Variants in ST6GAL1 observed in about 807,000 individuals in gnomAD.
The protein encoded by ST6GAL1 is ST6 beta-galactoside alpha-2,6-sialyltransferase 1, also known as beta-galactoside alpha-2,6-sialyltransferase 1.
Under a neutral mutation model 38.0 loss-of-function variants are expected in ST6GAL1, and 20 were observed. That is an observed-to-expected ratio of 0.53 (90% confidence interval 0.37 to 0.77). The LOEUF is 0.77. Ranked by LOEUF, ST6GAL1 falls within the 30% of genes least tolerant of loss-of-function variation. The pLI is 0.00. For missense variants in ST6GAL1, 432 were observed against 496.4 expected (o/e 0.87, Z 1.23); for synonymous variants, 196 against 188.2 (o/e 1.04, Z -0.34).
intron 2 of ST6GAL1, among the ~76,000 whole-genome samples, chr3:186,976,259 C>T (rs1715518163): frequency 6.6e-6 from 1 of 152,172 alleles, no homozygotes; most frequent in Admixed American, 6.5e-5. Context: ...TTCACCTCCC[C>T]CAACCTTCCC....
chr3:186,946,457 C>A (rs560175683), intron 1 of ST6GAL1, among the ~76,000 whole-genome samples: 14 of 152,248 alleles, frequency 9.2e-5, no homozygotes, highest in Admixed American at 7.2e-4. Context: ...TCACTGCTCA[C>A]TGTAGACTCG....
intron 2 of ST6GAL1, among the ~76,000 whole-genome samples, chr3:187,018,798 C>T (rs1262607677): frequency 6.6e-6 from 1 of 152,194 alleles, no homozygotes; most frequent in East Asian, 1.9e-4. Context: ...ATCACAGGGG[C>T]ATGCTAAGCA....
At position 187,020,996 on chromosome 3, in the gene ST6GAL1, G is replaced by A. The variant is rs562879472; in HGVS notation, c.-182-17746G>A. 4.0e-5 allele frequency among the ~76,000 whole-genome samples: 6 copies of A among 150,452 alleles called. No individual in the cohort carries two copies. The South Asian group carries it at 8.4e-4, about 21-fold the overall frequency. ...TTGTTTTTTTTTGAGATGGAGTCTC[G>A]CTCTGTCACCCAGGCTGGAGTGCAA... On this transcript the variant is annotated intron_variant, in intron 2 of 7. Transcript: ENST00000169298.
chr3:187,043,476 A>G (rs1718198658), intron 4 of ST6GAL1, among the ~76,000 whole-genome samples, 166 bp downstream of exon 4: 1 of 152,144 alleles, frequency 6.6e-6, no homozygotes. Flanking sequence ...AGTTGAACAG[A>G]TGGCGCTCTA....
intron 1 of ST6GAL1, among the ~76,000 whole-genome samples, chr3:186,957,364 G>T (rs932383698): frequency 2.0e-5 from 3 of 152,112 alleles, no homozygotes; most frequent in Non-Finnish European, 4.4e-5. Flanking sequence ...GATCACTTGA[G>T]CCAAGGAGGT....
chr3:187,062,103 T>A (rs1300462616), intron 5 of ST6GAL1, among the ~76,000 whole-genome samples: 1 of 152,180 alleles, frequency 6.6e-6, no homozygotes, highest in Non-Finnish European at 1.5e-5. Context: ...AAATGGTTAG[T>A]AAGCACATGA....
intron 1 of ST6GAL1, among the ~76,000 whole-genome samples, chr3:186,959,252 C>T (rs975401463): frequency 1.3e-5 from 2 of 152,194 alleles, no homozygotes; most frequent in African/African-American, 4.8e-5. Context: ...GTGTGCAACT[C>T]ATACTTAGTT....
intron 5 of ST6GAL1, among the ~76,000 whole-genome samples, chr3:187,056,693 C>T (rs1317842903): frequency 6.6e-6 from 1 of 152,182 alleles, no homozygotes; most frequent in Non-Finnish European, 1.5e-5. Flanking sequence ...ATGGGCTTCC[C>T]TTTGTGGGTA....
At chr3:186,985,428 T>C (rs980048580) in intron 2 of ST6GAL1, among the ~76,000 whole-genome samples, 14 of 151,800 alleles carry the variant, frequency 9.2e-5, no homozygotes, top group African/African-American at 3.4e-4. Flanking sequence ...ATACATTTTT[T>C]TTTAAAGTGA....
chr3:187,024,414 T>C (rs905741368), intron 2 of ST6GAL1, among the ~76,000 whole-genome samples: 10 of 136,708 alleles, frequency 7.3e-5, no homozygotes, highest in South Asian at 4.9e-4. Context: ...TATATATATA[T>C]ACACACACAC....
chr3:187,048,739 C>CTGAACAAA (rs1365338352), intron 4 of ST6GAL1, among the ~76,000 whole-genome samples: 1 of 152,120 alleles, frequency 6.6e-6, no homozygotes, highest in Non-Finnish European at 1.5e-5. Flanking sequence ...TATTTGTTGA[C>CTGAACAAA]TGAACAAAAC....
intron 2 of ST6GAL1, among the ~76,000 whole-genome samples, chr3:187,032,646 C>A (rs895312845): frequency 6.6e-6 from 1 of 152,124 alleles, no homozygotes. Flanking sequence ...TGAATGCCTG[C>A]ATAATTACAA....
chr3:186,941,509 G>A (rs1347545950), intron 1 of ST6GAL1, among the ~76,000 whole-genome samples: 2 of 152,102 alleles, frequency 1.3e-5, no homozygotes, highest in African/African-American at 2.4e-5. Context: ...AAAAATAAGA[G>A]GCATCCTTTT....
Position 186,999,568 on chromosome 3 carries a change from C to T in ST6GAL1, c.-183+35642C>T, listed in dbSNP as rs956138198. Among the ~76,000 whole-genome samples, 7 of 152,112 alleles carry T rather than the reference C, an allele frequency of 4.6e-5. No individual in the cohort carries two copies. In the South Asian group the frequency reaches 1.0e-3, roughly 23 times the overall value. Reference sequence around the variant, plus strand: ...CTGGGACTACAGGAGTGCACCACTGCGCCTGGCTAATTTTGTATTTTTAGT... The same window carrying T: ...CTGGGACTACAGGAGTGCACCACTGTGCCTGGCTAATTTTGTATTTTTAGT... On this transcript the variant is annotated intron_variant, in intron 2 of 7. Coordinates refer to ENST00000169298, the MANE Select transcript of ST6GAL1 (RefSeq NM_173216.2).
chr3:186,939,753 A>G (rs746623295), intron 1 of ST6GAL1, among the ~76,000 whole-genome samples: 3 of 152,176 alleles, frequency 2.0e-5, no homozygotes, highest in Non-Finnish European at 4.4e-5. Context: ...CTCATGCCGA[A>G]GATGTGGTGG....
At chr3:187,000,550 G>A (rs558693869) in intron 2 of ST6GAL1, among the ~76,000 whole-genome samples, 110 of 152,056 alleles carry the variant, frequency 7.2e-4, no homozygotes, top group Admixed American at 1.3e-3. Context: ...TGACAAGATC[G>A]AGACTCTGGC....
Position 187,014,016 on chromosome 3 carries a change from A to C in ST6GAL1, c.-182-24726A>C, listed in dbSNP as rs887022816. ...GACTTTTCACACCCAACAGCGGTCA[A>C]GCCGGGCCTCAGCCTTCTGACCCTC... On this transcript the variant is annotated intron_variant, in intron 2 of 7. Coordinates refer to ENST00000169298, the MANE Select transcript of ST6GAL1 (RefSeq NM_173216.2). Among the ~76,000 whole-genome samples, 3 of 152,356 alleles carry C rather than the reference A, an allele frequency of 2.0e-5. No individual in the cohort carries two copies. The East Asian group carries it at 5.8e-4, about 29-fold the overall frequency.
At chr3:187,050,560 G>GAC (rs371144529) in intron 4 of ST6GAL1, among the ~76,000 whole-genome samples, 4 of 149,588 alleles carry the variant, frequency 2.7e-5, no homozygotes, top group African/African-American at 4.9e-5. Flanking sequence ...GAGAGAGAGA[G>GAC]GGAGGGAGGG....
chr3:187,042,730 G>A lies in ST6GAL1; in HGVS notation c.27G>A (p.Lys9=). MIHTNLKK[K]FSCCVLVFLL... is the part of the protein sequence containing the mutation. ...TGATTCACACCAACCTGAAGAAAAA[G>A]TTCAGCTGCTGCGTCCTGGTCTTTC... Residue 9 remains lysine, a synonymous_variant, in exon 4 of 8, where the codon AAG becomes AAA. Coordinates refer to ENST00000169298, the MANE Select transcript of ST6GAL1 (RefSeq NM_173216.2). The A allele has an allele frequency of 6.2e-7, 1 of 1,612,622 alleles. No individual in the cohort carries two copies. The highest frequency in any genetic ancestry group is 2.2e-5 in the East Asian group (1 of 44,882).
Sources: allele counts gnomAD v4.1 joint callset (sites outside exome capture counted in the v4.1 genomes callset), GRCh38; gene constraint gnomAD v4.1.1; transcripts MANE v1.5; gene names NCBI Gene and HGNC (gene_info 2026-07-23, HGNC 2026-07-21).